Variants in ZNF423 observed in about 807,000 individuals in gnomAD.
The protein encoded by ZNF423 is Ebf-associated zinc finger protein.
Under a neutral mutation model 95.8 loss-of-function variants are expected in ZNF423, and 12 were observed. That is an observed-to-expected ratio of 0.13 (90% CI 0.08 to 0.20). ZNF423 has a LOEUF of 0.20. Ranked by LOEUF, ZNF423 falls within the 10% of genes least tolerant of loss-of-function variation. The pLI is 1.00. For missense variants in ZNF423, 1,316 were observed against 1,737.1 expected (o/e 0.76, Z 4.31); for synonymous variants, 749 against 711.9 (o/e 1.05, Z -0.83).
chr16:49,510,673 T>C (rs1435513060), intron 7 of ZNF423, among the ~76,000 whole-genome samples: 8 of 152,200 alleles, frequency 5.3e-5, no homozygotes, highest in Admixed American at 5.2e-4. Flanking sequence ...GCCCCATGTC[T>C]TCCCGTGTGA....
chr16:49,697,826 G>A (rs1236148307), intron 3 of ZNF423, among the ~76,000 whole-genome samples: 1 of 152,272 alleles, frequency 6.6e-6, no homozygotes, highest in African/African-American at 2.4e-5. Flanking sequence ...GCGGGCAGGC[G>A]GCATGAGCCC....
At chr16:49,815,901 TA>T (rs2034841524) in intron 1 of ZNF423, among the ~76,000 whole-genome samples, 1 of 45,726 alleles carries the variant, frequency 2.2e-5, no homozygotes, top group Non-Finnish European at 3.9e-5. Flanking sequence ...TATATATATA[TA>T]TATATATATA....
At chr16:49,516,303 C>G (rs1459846319) in intron 7 of ZNF423, among the ~76,000 whole-genome samples, 1 of 152,204 alleles carries the variant, frequency 6.6e-6, no homozygotes, top group Non-Finnish European at 1.5e-5. Context: ...TGTTCAAACT[C>G]AGGCTGGAAA....
At chr16:49,538,074 C>A (rs1969116261) in intron 5 of ZNF423, among the ~76,000 whole-genome samples, 1 of 152,222 alleles carries the variant, frequency 6.6e-6, no homozygotes, top group South Asian at 2.1e-4. Context: ...AGCAGCCACT[C>A]CTGACCCACA....
At position 49,488,556 on chromosome 16, in the gene ZNF423, G is replaced by A. The variant is rs765374545; in HGVS notation, c.*2719C>T. The A allele has an allele frequency of 1.3e-5, 2 of 152,104 alleles. No homozygotes were observed. The highest frequency in any genetic ancestry group is 2.9e-5 in the Non-Finnish European group (2 of 68,032). The allele number at this position is 152,104 out of a possible 1,614,324, so 9.4% of individuals were successfully genotyped here. A position where few individuals can be genotyped will look rare whatever the true frequency, so the allele number is the denominator to read the frequency against. On this transcript the variant is annotated 3_prime_UTR_variant, in exon 8 of 8. Coordinates refer to ENST00000563137, the MANE Select transcript of ZNF423 (RefSeq NM_001379286.1). ...CCATCGCGCCCTCCTGGCTGAAAAG[G>A]TGCCCTCCTGCAGGATGCCTGGCAC...
chr16:49,701,384 G>T (rs999982349), intron 3 of ZNF423, among the ~76,000 whole-genome samples: 1 of 152,090 alleles, frequency 6.6e-6, no homozygotes, highest in Non-Finnish European at 1.5e-5. Context: ...AACCAGCGAC[G>T]AGGATTTGAA....
intron 2 of ZNF423, among the ~76,000 whole-genome samples, chr16:49,773,083 C>T (rs1289848207): frequency 1.3e-5 from 2 of 152,184 alleles, no homozygotes; most frequent in African/African-American, 4.8e-5. Context: ...CTTTGGGAGG[C>T]CTAGGCGAGT....
intron 2 of ZNF423, among the ~76,000 whole-genome samples, chr16:49,737,535 C>G (rs908740359): frequency 6.6e-6 from 1 of 152,236 alleles, no homozygotes; most frequent in African/African-American, 2.4e-5. Context: ...GCTGGGAATA[C>G]AGGTGTGAGC....
In ZNF423 at chr16:49,532,873, T is replaced by A. The variant is rs116862311; in HGVS notation, c.3602-7379A>T. Among the ~76,000 whole-genome samples, 161 of 152,270 alleles carry A rather than the reference T, an allele frequency of 1.1e-3. 1 individual carries two copies. The highest frequency in any genetic ancestry group is 3.2e-3 in the African/African-American group (134 of 41,552). ...CCAACGTCCCCCTTCCACAATGCTG[T>A]CGACACCGCAATAAACCGACATCGC... On this transcript the variant is annotated intron_variant, in intron 5 of 7. Coordinates refer to ENST00000563137, the MANE Select transcript of ZNF423 (RefSeq NM_001379286.1).
intron 7 of ZNF423, among the ~76,000 whole-genome samples, chr16:49,513,632 G>GGGAT (rs200850664): frequency 0.15 from 19,825 of 135,096 alleles, 1,333 homozygotes; most frequent in South Asian, 0.21. Flanking sequence ...AACACATATG[G>GGGAT]GGATGGATGG....
chr16:49,803,913 C>T (rs932858542), intron 1 of ZNF423, among the ~76,000 whole-genome samples: 1 of 150,044 alleles, frequency 6.7e-6, no homozygotes, highest in African/African-American at 2.4e-5. Context: ...GGGGAACCGG[C>T]CCAGGGCTAG....
Position 49,635,644 on chromosome 16 carries a change from G to C in ZNF423, c.3516+16C>G. The C allele has an allele frequency of 6.5e-7, 1 of 1,537,792 alleles. No individual in the cohort carries two copies. The highest frequency in any genetic ancestry group is 8.7e-7 in the Non-Finnish European group (1 of 1,145,058). ...AGGAGAGGAGCAGGGAGCAGGATGAGGTGGACTGCACTTACCCGGGGCACT... is the reference window on the plus strand; with the variant it reads ...AGGAGAGGAGCAGGGAGCAGGATGACGTGGACTGCACTTACCCGGGGCACT... On this transcript the variant is annotated intron_variant, in intron 4 of 7. Coordinates refer to ENST00000563137, the MANE Select transcript of ZNF423 (RefSeq NM_001379286.1). This position sits in a 1 kb window ranked among gnomAD's most constrained non-coding sequence, Gnocchi z 4.8.
chr16:49,638,906 C>T lies in ZNF423; in HGVS notation c.302-32G>A, dbSNP rs759457832. ...GAGAAGGCAGAGAGGATATTAGAGG[C>T]AATTCCCAGGGCTGCCGAGAAACAA... On this transcript the variant is annotated intron_variant, in intron 3 of 7. Coordinates refer to ENST00000563137, the MANE Select transcript of ZNF423 (RefSeq NM_001379286.1). This position sits in a 1 kb window ranked among gnomAD's most constrained non-coding sequence, Gnocchi z 5.6. 2.6e-6 allele frequency: 4 copies of T among 1,567,502 alleles called. No homozygotes were observed. The highest frequency in any genetic ancestry group is 2.7e-5 in the African/African-American group (2 of 73,960).
chr16:49,795,390 C>T (rs1597016319), intron 1 of ZNF423, among the ~76,000 whole-genome samples: 1 of 152,232 alleles, frequency 6.6e-6, no homozygotes, highest in Non-Finnish European at 1.5e-5. Flanking sequence ...GGCGCTCACA[C>T]TTGCCCCGGC....
At chr16:49,811,655 T>C (rs1045095161) in intron 1 of ZNF423, among the ~76,000 whole-genome samples, 2 of 152,078 alleles carry the variant, frequency 1.3e-5, no homozygotes, top group African/African-American at 4.8e-5. Flanking sequence ...AAGGGAGCCA[T>C]TTCCGGGCCC....
Position 49,543,730 on chromosome 16 carries a change from C to A in ZNF423, c.3602-18236G>T, listed in dbSNP as rs556187962. Among the ~76,000 whole-genome samples, 6 of 152,312 alleles carry A rather than the reference C, an allele frequency of 3.9e-5. No homozygotes were observed. In the East Asian group the frequency reaches 9.7e-4, roughly 25 times the overall value. On this transcript the variant is annotated intron_variant, in intron 5 of 7. Coordinates refer to ENST00000563137, the MANE Select transcript of ZNF423 (RefSeq NM_001379286.1). Reference sequence around the variant, plus strand: ...CCGCTGAGCCTATGTCCAGCTGGCCCAACTGAGGAAGGACTGCCCAGGGCT... The same window carrying A: ...CCGCTGAGCCTATGTCCAGCTGGCCAAACTGAGGAAGGACTGCCCAGGGCT...
At chr16:49,829,038 A>G (rs1019601413) in intron 1 of ZNF423, among the ~76,000 whole-genome samples, 2 of 152,054 alleles carry the variant, frequency 1.3e-5, no homozygotes, top group African/African-American at 4.8e-5. Context: ...TTTCTCCTCT[A>G]TCCCCAGTCC....
intron 5 of ZNF423, among the ~76,000 whole-genome samples, chr16:49,548,638 G>A (rs1969520990): frequency 6.6e-6 from 1 of 152,208 alleles, no homozygotes. Flanking sequence ...GAGAGAGACG[G>A]GGAAGGCGGA....
At chr16:49,685,334 T>G (rs2031523015) in intron 3 of ZNF423, among the ~76,000 whole-genome samples, 1 of 152,168 alleles carries the variant, frequency 6.6e-6, no homozygotes, top group African/African-American at 2.4e-5. Flanking sequence ...ATGGACTAGG[T>G]GGGCTCAGCT....
Sources: allele counts gnomAD v4.1 joint callset (sites outside exome capture counted in the v4.1 genomes callset), GRCh38; gene constraint gnomAD v4.1.1; non-coding constraint Gnocchi (gnomAD v3.1); transcripts MANE v1.5; gene names NCBI Gene and HGNC (gene_info 2026-07-23, HGNC 2026-07-21).